COLEC12: variants seen among roughly 807,000 people sequenced by gnomAD.
COLEC12 encodes collectin-12.
In COLEC12, 33 loss-of-function variants were observed where a neutral mutation model predicts 71.1. The ratio of observed to expected loss-of-function variants is 0.46; its 90% confidence interval spans 0.35 to 0.62. The LOEUF (loss-of-function observed/expected upper bound fraction) is 0.62, where lower values mean the gene tolerates loss of function less well. Among genes scored for constraint, COLEC12 ranks in the 20% least tolerant of loss-of-function variants. The pLI is 0.00. For missense variants in COLEC12, 765 were observed against 916.1 expected, an observed-to-expected ratio of 0.84 and a Z score of 2.13; for synonymous variants, 350 against 353.0, an observed-to-expected ratio of 0.99 and a Z score of 0.10.
intron 2 of COLEC12, among the ~76,000 whole-genome samples, chr18:389,222 C>T (rs1487230633): frequency 7.2e-6 from 1 of 137,984 alleles, no homozygotes; most frequent in Non-Finnish European, 1.6e-5. Flanking sequence ...CACACACACA[C>T]ACACGGCCAT....
chr18:413,230 A>G (rs1280436776), intron 2 of COLEC12, among the ~76,000 whole-genome samples: 1 of 152,232 alleles, frequency 6.6e-6, no homozygotes, highest in Non-Finnish European at 1.5e-5. Context: ...ATGGATGGCA[A>G]ATAAACACAT....
At chr18:472,750 T>C (rs568887521) in intron 2 of COLEC12, among the ~76,000 whole-genome samples, 3 of 150,810 alleles carry the variant, frequency 2.0e-5, no homozygotes, top group East Asian at 1.9e-4. Flanking sequence ...TAGACTCCTT[T>C]GGAATTCCCT....
chr18:428,263 CAAA>C (rs764493479), intron 2 of COLEC12, among the ~76,000 whole-genome samples: 1 of 131,342 alleles, frequency 7.6e-6, no homozygotes, highest in Non-Finnish European at 1.6e-5. Context: ...AACTCCGTCT[CAAA>C]AAAAAAAAAA....
intron 2 of COLEC12, among the ~76,000 whole-genome samples, chr18:372,526 T>C (rs1915022752): frequency 6.6e-6 from 1 of 152,170 alleles, no homozygotes. Context: ...CAAGCAATTC[T>C]CCCACCGTAG....
At chr18:443,971 C>T (rs779761453) in intron 2 of COLEC12, among the ~76,000 whole-genome samples, 1 of 152,180 alleles carries the variant, frequency 6.6e-6, no homozygotes, top group Non-Finnish European at 1.5e-5. Flanking sequence ...TCACCTTCTG[C>T]CATGATCGTA....
At chr18:401,661 C>T (rs114227512) in intron 2 of COLEC12, among the ~76,000 whole-genome samples, 2,363 of 152,336 alleles carry the variant, frequency 0.016, 71 homozygotes, top group African/African-American at 0.054. Context: ...GGTATCCCAA[C>T]GTTTTTGCTT....
intron 3 of COLEC12, among the ~76,000 whole-genome samples, chr18:350,043 G>A (rs948327558): frequency 3.3e-5 from 5 of 152,184 alleles, no homozygotes; most frequent in Admixed American, 2.0e-4. Flanking sequence ...TGTTGGGAAG[G>A]CATGATTTGT....
intron 2 of COLEC12, among the ~76,000 whole-genome samples, chr18:378,717 T>C (rs928471970): frequency 6.6e-6 from 1 of 152,204 alleles, no homozygotes; most frequent in Non-Finnish European, 1.5e-5. Flanking sequence ...AGGAGAACCA[T>C]GTTTTATCTT....
chr18:478,122 G>C (rs1917339799), intron 2 of COLEC12, among the ~76,000 whole-genome samples: 1 of 152,132 alleles, frequency 6.6e-6, no homozygotes, highest in Non-Finnish European at 1.5e-5. Flanking sequence ...TTCCAGAGCT[G>C]CAGGGTCCCC....
intron 2 of COLEC12, among the ~76,000 whole-genome samples, chr18:389,293 G>A (rs1431989918): frequency 2.1e-5 from 3 of 139,734 alleles, no homozygotes; most frequent in Admixed American, 7.6e-5. Context: ...TTGCTCTGTC[G>A]CCCAGGCTGG....
chr18:367,869 C>T (rs1188284694), intron 2 of COLEC12, among the ~76,000 whole-genome samples: 1 of 152,106 alleles, frequency 6.6e-6, no homozygotes, highest in African/African-American at 2.4e-5. Context: ...GCAAGAGGAT[C>T]CCTGAGGCCA....
chr18:480,714 C>A lies in COLEC12; in HGVS notation c.51G>T (p.Lys17Asn). 6.2e-7 allele frequency: 1 copy of A among 1,614,110 alleles called. No individual in the cohort carries two copies. Among genetic ancestry groups the A allele is most frequent in the South Asian group, 1.1e-5 (1 of 91,068 alleles). Residue 17 changes from lysine to asparagine, a missense_variant, in exon 2 of 10, where the codon AAG (lysine) becomes AAT (asparagine). Lys to Asn is a moderately conservative substitution (Grantham distance 94). Transcript: ENST00000400256. The surrounding 1 kb of genome is among the most constrained non-coding windows in gnomAD (Gnocchi z 4.1). ...AGCTTTGTTAGGACTCACCAAACCG[C>A]TTGTAACCGAAGGATTGCACCTCCT... is the stretch of plus-strand genomic sequence containing the variant. ...EEEEVQSFGY[K>N]RFGIQEGTQC...
intron 2 of COLEC12, among the ~76,000 whole-genome samples, chr18:363,232 GA>G (rs1329415019): frequency 2.0e-5 from 3 of 150,606 alleles, no homozygotes; most frequent in East Asian, 3.9e-4. Context: ...TCTTTTTGCA[GA>G]AAAAAAAAGA....
chr18:497,709 T>A (rs572635367), intron 1 of COLEC12, among the ~76,000 whole-genome samples: 3 of 152,350 alleles, frequency 2.0e-5, no homozygotes, highest in African/African-American at 4.8e-5. Context: ...CAAGAATGTT[T>A]TAGATTAACA....
At chr18:418,923 C>A (rs1442704433) in intron 2 of COLEC12, among the ~76,000 whole-genome samples, 3 of 152,156 alleles carry the variant, frequency 2.0e-5, no homozygotes, top group Non-Finnish European at 2.9e-5. Context: ...GCCCTGATTT[C>A]TTTCTTGTGC....
rs955793162 is a variant in COLEC12, at chr18:500,642, C to G, written c.-128G>C. 4 of 705,294 alleles carry G rather than the reference C, an allele frequency of 5.7e-6. No individual in the cohort carries two copies. The highest frequency in any genetic ancestry group is 5.6e-6 in the Non-Finnish European group (3 of 536,024). 43.7% of individuals were successfully genotyped at this position (705,294 alleles called of 1,614,324 possible). A position where few individuals can be genotyped will look rare whatever the true frequency, so the allele number is the denominator to read the frequency against. On this transcript the variant is annotated 5_prime_UTR_variant, in exon 1 of 10. Transcript: ENST00000400256. This position sits in a 1 kb window ranked among gnomAD's most constrained non-coding sequence, Gnocchi z 5.3. ...GCGCCGCGCGCCGGCCGTCTGCGCC[C>G]CCGTCCTCCCTCGCCGCCGCCGGCC...
At chr18:439,104 A>G (rs756730542) in intron 2 of COLEC12, among the ~76,000 whole-genome samples, 3 of 152,228 alleles carry the variant, frequency 2.0e-5, no homozygotes, top group Non-Finnish European at 4.4e-5. Flanking sequence ...AGATCTTCCC[A>G]GGTAGATGAG....
chr18:500,432 GCACCTCC>G lies in COLEC12; in HGVS notation c.7+69_7+75del. 1 of 848,804 alleles carries G rather than the reference GCACCTCC, an allele frequency of 1.2e-6. No homozygotes were observed. Among genetic ancestry groups the G allele is most frequent in the Non-Finnish European group, 1.4e-6 (1 of 696,186 alleles). The allele number at this position is 848,804 out of a possible 1,614,324, so 52.6% of individuals were successfully genotyped here. A position where few individuals can be genotyped will look rare whatever the true frequency, so the allele number is the denominator to read the frequency against. ...GCCCAAGGGAAGGTTCGCGCGGGAG[GCACCTCC>G]GTGGCCTCCCGCGCGCCCCGAAGCC... On this transcript the variant is annotated intron_variant, in intron 1 of 9. Transcript: ENST00000400256. The surrounding 1 kb of genome is among the most constrained non-coding windows in gnomAD (Gnocchi z 5.3).
chr18:419,617 C>T (rs58627428), intron 2 of COLEC12, among the ~76,000 whole-genome samples: 2 of 152,164 alleles, frequency 1.3e-5, no homozygotes, highest in East Asian at 3.8e-4. Context: ...ACAGGAAGAA[C>T]TCTGAAATGA....
Sources: allele counts gnomAD v4.1 joint callset (sites outside exome capture counted in the v4.1 genomes callset), GRCh38; gene constraint gnomAD v4.1.1; non-coding constraint Gnocchi (gnomAD v3.1); transcripts MANE v1.5; gene names NCBI Gene and HGNC (gene_info 2026-07-23, HGNC 2026-07-21).